CPLX2: variants seen among roughly 807,000 people sequenced by gnomAD.
The protein encoded by CPLX2 is complexin 2.
A neutral mutation model predicts 16.3 loss-of-function variants in CPLX2; 5 were observed. The observed-to-expected ratio is 0.31, with a 90% CI of 0.16 to 0.64. The LOEUF is 0.64. Among genes scored for constraint, CPLX2 ranks in the 30% least tolerant of loss-of-function variants. The pLI, the probability that CPLX2 is intolerant of heterozygous loss-of-function variation, is 0.79. For missense variants in CPLX2, 144 were observed against 181.4 expected, an observed-to-expected ratio of 0.79 and a Z score of 1.18; for synonymous variants, 89 against 73.2, an observed-to-expected ratio of 1.22 and a Z score of -1.10.
At chr5:175,810,640 A>G (rs1758296785) in intron 2 of CPLX2, among the ~76,000 whole-genome samples, 1 of 152,106 alleles carries the variant, frequency 6.6e-6, no homozygotes. Context: ...GCACCCATCT[A>G]TCTCCACCCT....
intron 1 of CPLX2, among the ~76,000 whole-genome samples, chr5:175,875,713 C>A (rs1452559281): frequency 1.3e-5 from 2 of 151,970 alleles, no homozygotes; most frequent in African/African-American, 4.8e-5. Flanking sequence ...CATTTTGGGC[C>A]TTAAGAAAAG....
At position 175,830,552 on chromosome 5, in the gene CPLX2, C is replaced by T. The variant is rs1402832876; in HGVS notation, c.-89+21484C>T. 2.0e-5 allele frequency among the ~76,000 whole-genome samples: 3 copies of T among 152,214 alleles called. No homozygotes were observed. Among genetic ancestry groups the T allele is most frequent in the Non-Finnish European group, 4.4e-5 (3 of 68,036 alleles). ...GTCCAGCCACCCTTAGCCTCTTCCT[C>T]TTTGCCACAGGCCATGCGGCACTAA... is the stretch of plus-strand genomic sequence containing the variant. On this transcript the variant is annotated intron_variant, in intron 2 of 4. Transcript: ENST00000359546. This position sits in a 1 kb window ranked among gnomAD's most constrained non-coding sequence, Gnocchi z 4.0.
chr5:175,846,815 G>T (rs1014242049), intron 2 of CPLX2, among the ~76,000 whole-genome samples: 6 of 152,094 alleles, frequency 3.9e-5, no homozygotes, highest in East Asian at 1.9e-4. Context: ...ATCCCTCCCG[G>T]GCTGCTGGAG....
At chr5:175,871,455 GA>G, upstream of CPLX2, 1 of 140,268 alleles carries the variant, frequency 7.1e-6, no homozygotes, top group South Asian at 2.5e-4. Context: ...GAGAGAGAGA[GA>G]GAGAGAGAGA....
In CPLX2 at chr5:175,880,491, C is replaced by G. The variant is rs554157851; in HGVS notation, c.*446C>G. The G allele has an allele frequency of 2.7e-5, 6 of 221,902 alleles. No individual in the cohort carries two copies. The highest frequency in any genetic ancestry group is 2.6e-4 in the South Asian group (4 of 15,460). The allele number at this position is 221,902 out of a possible 1,614,324, so 13.7% of individuals were successfully genotyped here. Reference sequence around the variant, plus strand: ...GGCAGGGGCACTGAGTGGCCTGGCTCTGAGGAAGGGAGTCAGGGGAAGCCT... The same window carrying G: ...GGCAGGGGCACTGAGTGGCCTGGCTGTGAGGAAGGGAGTCAGGGGAAGCCT... On this transcript the variant is annotated 3_prime_UTR_variant, in exon 4 of 4. Transcript: ENST00000393745.
upstream of CPLX2, chr5:175,871,539 G>C (rs1321437460): frequency 2.6e-5 from 4 of 151,156 alleles, no homozygotes; most frequent in African/African-American, 9.7e-5. Flanking sequence ...CCCGGCTGAG[G>C]GGCGTGATTG....
chr5:175,799,147 G>C (rs2434235), intron 1 of CPLX2, among the ~76,000 whole-genome samples: 128,545 of 152,236 alleles, frequency 0.84, 54,677 homozygotes, highest in East Asian at 0.99. Flanking sequence ...ACTACCTACA[G>C]TGGGCTTTAG....
At chr5:175,800,951 A>G (rs1287008380) in intron 1 of CPLX2, among the ~76,000 whole-genome samples, 1 of 152,210 alleles carries the variant, frequency 6.6e-6, no homozygotes. Context: ...CTCCAGGCAG[A>G]GGAAATCGCT....
intron 2 of CPLX2, among the ~76,000 whole-genome samples, chr5:175,865,774 C>A (rs533814917): frequency 4.1e-4 from 63 of 152,268 alleles, no homozygotes; most frequent in African/African-American, 1.4e-3. Context: ...GAAACACCTG[C>A]GGAGCTGGGC....
rs2113725350 is a variant in CPLX2 at position 175,884,018 on chromosome 5, A to C, written c.*3973A>C. The C allele has an allele frequency of 6.5e-6, 1 of 152,750 alleles. No homozygotes were observed. The highest frequency in any genetic ancestry group is 2.1e-4 in the South Asian group (1 of 4,816). 9.5% of individuals were successfully genotyped at this position (152,750 alleles called of 1,614,324 possible). A position where few individuals can be genotyped will look rare whatever the true frequency, so the allele number is the denominator to read the frequency against. On this transcript the variant is annotated 3_prime_UTR_variant, in exon 4 of 4. Coordinates refer to ENST00000393745, the MANE Select transcript of CPLX2 (RefSeq NM_001008220.2). ...GACAACAAAGAAAAAGACCTTGTAC[A>C]GCAGCTCTCTGTCTGTGCTCTTCTG...
At chr5:175,829,372 A>C (rs1758686136) in intron 2 of CPLX2, among the ~76,000 whole-genome samples, 1 of 152,118 alleles carries the variant, frequency 6.6e-6, no homozygotes, top group African/African-American at 2.4e-5. Context: ...GGTCGCGCAG[A>C]AGCTCACCTC....
At chr5:175,808,229 T>C (rs1423671234) in intron 1 of CPLX2, among the ~76,000 whole-genome samples, 1 of 152,198 alleles carries the variant, frequency 6.6e-6, no homozygotes, top group African/African-American at 2.4e-5. Flanking sequence ...CATCAGTATT[T>C]TCATCTATCA....
chr5:175,850,459 C>T (rs540008360), intron 2 of CPLX2, among the ~76,000 whole-genome samples: 1 of 152,288 alleles, frequency 6.6e-6, no homozygotes, highest in African/African-American at 2.4e-5. Context: ...TGGGAAGGAC[C>T]CTGACCACTA....
chr5:175,827,925 C>T (rs1344568073), intron 2 of CPLX2, among the ~76,000 whole-genome samples: 1 of 152,230 alleles, frequency 6.6e-6, no homozygotes, highest in Non-Finnish European at 1.5e-5. Context: ...AAGACCCAGA[C>T]TCTGCCCCCA....
At chr5:175,860,498 AAAAG>A (rs754200303) in intron 2 of CPLX2, among the ~76,000 whole-genome samples, 11 of 24,328 alleles carry the variant, frequency 4.5e-4, no homozygotes, top group Middle Eastern at 8.5e-3. Context: ...AGAAAGAAAG[AAAAG>A]AAAGAAAGAA....
At chr5:175,844,292 G>C (rs908913534) in intron 2 of CPLX2, among the ~76,000 whole-genome samples, 1 of 152,232 alleles carries the variant, frequency 6.6e-6, no homozygotes, top group Non-Finnish European at 1.5e-5. Flanking sequence ...GAGGCACCCA[G>C]AAAGGCAAGA....
Position 175,849,282 on chromosome 5 carries a change from T to C in CPLX2, c.-88-29370T>C, listed in dbSNP as rs1759108312. Among the ~76,000 whole-genome samples the C allele has an allele frequency of 6.6e-6, 1 of 152,172 alleles. No individual in the cohort carries two copies. Among genetic ancestry groups the C allele is most frequent in the African/African-American group, 2.4e-5 (1 of 41,440 alleles). Reference sequence around the variant, plus strand: ...AGCTCAAAGGGATGTCCGGCTACCCTTGGGTGAGGACAGGGTAGTGTGCTC... The same window carrying C: ...AGCTCAAAGGGATGTCCGGCTACCCCTGGGTGAGGACAGGGTAGTGTGCTC... On this transcript the variant is annotated intron_variant, in intron 2 of 4. Transcript: ENST00000359546. This position sits in a 1 kb window ranked among gnomAD's most constrained non-coding sequence, Gnocchi z 4.4.
At chr5:175,874,964 G>A (rs1318654787) in intron 1 of CPLX2, among the ~76,000 whole-genome samples, 1 of 152,198 alleles carries the variant, frequency 6.6e-6, no homozygotes, top group Non-Finnish European at 1.5e-5. Flanking sequence ...CCAGAAAGCT[G>A]GAAAAGGTGG....
upstream of CPLX2, among the ~76,000 whole-genome samples, chr5:175,869,091 G>A (rs988966616): frequency 6.6e-6 from 1 of 152,186 alleles, no homozygotes; most frequent in Non-Finnish European, 1.5e-5. Context: ...TTCAATAATA[G>A]TAGGGCCTTC....
Sources: allele counts gnomAD v4.1 joint callset (sites outside exome capture counted in the v4.1 genomes callset), GRCh38; gene constraint gnomAD v4.1.1; non-coding constraint Gnocchi (gnomAD v3.1); transcripts MANE v1.5; gene names NCBI Gene and HGNC (gene_info 2026-07-23, HGNC 2026-07-21).